MSH3: variants seen among roughly 807,000 people sequenced by gnomAD.
MSH3 encodes the protein mutS homolog 3, also known as DNA mismatch repair protein Msh3.
Under a neutral mutation model 123.3 loss-of-function variants are expected in MSH3, and 106 were observed. The observed-to-expected ratio is 0.86, with a 90% CI of 0.73 to 1.01. MSH3 has a LOEUF of 1.01. MSH3 is among the 50% of genes least tolerant of loss of function. The probability of loss-of-function intolerance (pLI) is 0.00; values close to 1 mark genes in which losing one functional copy is unlikely to be tolerated. For missense variants in MSH3, 1,459 were observed against 1,347.6 expected, an observed-to-expected ratio of 1.08 and a Z score of -1.29; for synonymous variants, 515 against 481.4, an observed-to-expected ratio of 1.07 and a Z score of -0.91.
intron 20 of MSH3, among the ~76,000 whole-genome samples, chr5:80,823,440 C>T (rs899822184): frequency 6.6e-6 from 1 of 152,290 alleles, no homozygotes; most frequent in Non-Finnish European, 1.5e-5. Flanking sequence ...CCATCCTGGG[C>T]ACTTCAATAT....
chr5:80,754,607 T>G, intron 12 of MSH3, among the ~76,000 whole-genome samples: 1 of 152,174 alleles, frequency 6.6e-6, no homozygotes, highest in East Asian at 1.9e-4. Context: ...TAAGTCAAAT[T>G]AGATTTTTAG....
intron 20 of MSH3, among the ~76,000 whole-genome samples, chr5:80,848,626 G>A (rs893735078): frequency 1.3e-5 from 2 of 152,230 alleles, no homozygotes; most frequent in Admixed American, 1.3e-4. Context: ...AAGATATTGT[G>A]CAGGGAAATG....
At chr5:80,824,891 C>T (rs1745266664) in intron 20 of MSH3, among the ~76,000 whole-genome samples, 1 of 152,156 alleles carries the variant, frequency 6.6e-6, no homozygotes, top group Non-Finnish European at 1.5e-5. Context: ...TCTTTAACCT[C>T]TGAGAGCTCC....
intron 20 of MSH3, among the ~76,000 whole-genome samples, chr5:80,843,264 G>A (rs144769094): frequency 0.023 from 3,436 of 152,244 alleles, 137 homozygotes; most frequent in African/African-American, 0.077. Flanking sequence ...TGACTTGATC[G>A]TGGTGGATAA....
chr5:80,744,193 G>A (rs1743672798), intron 11 of MSH3, among the ~76,000 whole-genome samples: 1 of 152,128 alleles, frequency 6.6e-6, no homozygotes, highest in South Asian at 2.1e-4. Context: ...ATCTTCCTAT[G>A]TTGTATTTCC....
intron 8 of MSH3, among the ~76,000 whole-genome samples, chr5:80,713,133 G>C (rs1157137882): frequency 1.3e-5 from 2 of 152,280 alleles, no homozygotes; most frequent in Non-Finnish European, 2.9e-5. Context: ...TATAGATCAT[G>C]CAATTGGTAA....
At chr5:80,712,059 C>A (rs1222897881) in intron 8 of MSH3, among the ~76,000 whole-genome samples, 2 of 152,104 alleles carry the variant, frequency 1.3e-5, no homozygotes, top group Non-Finnish European at 2.9e-5. Context: ...TCAGGCATGG[C>A]TGGAATTGGG....
chr5:80,697,540 T>C (rs1335238184), intron 8 of MSH3, among the ~76,000 whole-genome samples: 1 of 152,194 alleles, frequency 6.6e-6, no homozygotes, highest in African/African-American at 2.4e-5. Flanking sequence ...CAGGTTATAG[T>C]AGTGATGTCC....
At chr5:80,709,800 T>A (rs1364410062) in intron 8 of MSH3, among the ~76,000 whole-genome samples, 1 of 152,206 alleles carries the variant, frequency 6.6e-6, no homozygotes, top group Non-Finnish European at 1.5e-5. Context: ...TGAAATGCTT[T>A]TAAAGGCATT....
rs1175864478 is a variant in MSH3, at chr5:80,763,604, T to C, written c.1896+1926T>C. Among the ~76,000 whole-genome samples the C allele has an allele frequency of 4.6e-5, 7 of 152,240 alleles. No individual in the cohort carries two copies. The East Asian group carries it at 1.3e-3, about 29-fold the overall frequency. ...CTCCAGGCACCTTGCCTTAACTACT[T>C]CAAAGGATTCACTGACAGATGTCAG... is the stretch of plus-strand genomic sequence containing the variant. On this transcript the variant is annotated intron_variant, in intron 13 of 23. Coordinates refer to ENST00000265081, the MANE Select transcript of MSH3 (RefSeq NM_002439.5).
At chr5:80,670,485 CCAGACTTGGTGGGAAA>C (rs1252557346) in intron 4 of MSH3, among the ~76,000 whole-genome samples, 176 bp downstream of exon 4, 3 of 151,928 alleles carry the variant, frequency 2.0e-5, no homozygotes, top group African/African-American at 7.3e-5. Context: ...TTGGTGGGAA[CCAGACTTGGTGGGAAA>C]AAGTGAGGGG....
chr5:80,860,144 A>T (rs1311558907), intron 21 of MSH3, among the ~76,000 whole-genome samples: 1 of 152,162 alleles, frequency 6.6e-6, no homozygotes, highest in Non-Finnish European at 1.5e-5. Context: ...ATAATCGCAT[A>T]CACTGTTGCT....
At chr5:80,708,599 T>A (rs1750771373) in intron 8 of MSH3, among the ~76,000 whole-genome samples, 1 of 152,064 alleles carries the variant, frequency 6.6e-6, no homozygotes, top group South Asian at 2.1e-4. Flanking sequence ...GTACAGATTT[T>A]CTTGTGGAGA....
chr5:80,790,304 C>A (rs1383140029), intron 18 of MSH3, among the ~76,000 whole-genome samples: 1 of 152,066 alleles, frequency 6.6e-6, no homozygotes, highest in African/African-American at 2.4e-5. Context: ...CTGTAAGGGC[C>A]TATTGAACCT....
chr5:80,676,834 A>G (rs946722206), intron 7 of MSH3, among the ~76,000 whole-genome samples: 12 of 152,362 alleles, frequency 7.9e-5, no homozygotes, highest in African/African-American at 2.9e-4. Flanking sequence ...TCTAAAGAAC[A>G]GAGTTGATAG....
intron 19 of MSH3, among the ~76,000 whole-genome samples, chr5:80,807,443 C>G (rs1039661368): frequency 6.6e-6 from 1 of 152,104 alleles, no homozygotes; most frequent in Non-Finnish European, 1.5e-5. Context: ...ATTGGATACA[C>G]AATTTTTGGT....
In MSH3 at chr5:80,818,402, C is replaced by CAAAAAAAAA. The variant is rs71603566; in HGVS notation, c.2813+4673_2813+4681dup. Among the ~76,000 whole-genome samples the CAAAAAAAAA allele has an allele frequency of 3.6e-4, 23 of 63,680 alleles. 1 individual carries two copies. Among genetic ancestry groups the CAAAAAAAAA allele is most frequent in the Non-Finnish European group, 4.4e-4 (16 of 36,534 alleles). The allele number at this position is 63,680 out of a possible 152,430, so 41.8% of individuals were successfully genotyped here. The stretch of plus-strand genomic sequence containing the variant: ...TTTTTTAACAAATAAATAGCAATGA[C>CAAAAAAAAA]AAAAAAAAAAAAAAAAAAAAGGTGG... On this transcript the variant is annotated intron_variant, in intron 20 of 23. Coordinates refer to ENST00000265081, the MANE Select transcript of MSH3 (RefSeq NM_002439.5).
Position 80,873,210 on chromosome 5 carries a change from A to G in MSH3, c.3225A>G (p.Leu1075=), listed in dbSNP as rs2112128769. The change falls in exon 23 of 24, where the codon CTA becomes CTG. Residue 1075 remains leucine, a synonymous_variant. Transcript: ENST00000265081. The part of the protein sequence containing the change: ...ARSYGLNVAK[L]ADVPGEILKK... ...GTTATGGATTAAATGTGGCTAAACT[A>G]GCAGATGTTCCTGGAGAAATTTTGA... The G allele has an allele frequency of 6.2e-7, 1 of 1,614,036 alleles. No homozygotes were observed. The highest frequency in any genetic ancestry group is 8.5e-7 in the Non-Finnish European group (1 of 1,179,916).
chr5:80,816,151 GGAA>G (rs1745099036), intron 20 of MSH3, among the ~76,000 whole-genome samples: 1 of 152,128 alleles, frequency 6.6e-6, no homozygotes, highest in Non-Finnish European at 1.5e-5. Flanking sequence ...AGAATACAAA[GGAA>G]CCACAGTTTT....
Sources: gnomAD v4.1 joint callset for allele counts (sites outside exome capture counted in the v4.1 genomes callset) on GRCh38, gnomAD v4.1.1 for gene constraint, MANE v1.5 for transcripts, NCBI Gene and HGNC (gene_info 2026-07-23, HGNC 2026-07-21) for gene names.